Variants in EXOC6B observed in about 807,000 individuals in gnomAD.
The protein encoded by EXOC6B is SEC15 homolog B.
EXOC6B carries 54 observed loss-of-function variants against 113.5 expected under a neutral mutation model. The observed-to-expected ratio is 0.48, with a 90% CI of 0.38 to 0.60. The LOEUF (loss-of-function observed/expected upper bound fraction) is 0.60. Ranked by LOEUF, EXOC6B falls within the 20% of genes least tolerant of loss-of-function variation. The pLI, the probability that EXOC6B is intolerant of heterozygous loss-of-function variation, is 0.00. For missense variants in EXOC6B, 797 were observed against 977.5 expected, an observed-to-expected ratio of 0.82 and a Z score of 2.46; for synonymous variants, 357 against 339.0, an observed-to-expected ratio of 1.05 and a Z score of -0.58.
intron 8 of EXOC6B, among the ~76,000 whole-genome samples, chr2:72,532,751 T>C (rs1573337942): frequency 6.6e-6 from 1 of 151,894 alleles, no homozygotes; most frequent in Non-Finnish European, 1.5e-5. Flanking sequence ...GAGGTTGCAG[T>C]GAGCCGATAT....
At chr2:72,802,640 G>A (rs576914576) in intron 1 of EXOC6B, among the ~76,000 whole-genome samples, 3 of 151,840 alleles carry the variant, frequency 2.0e-5, no homozygotes, top group South Asian at 2.1e-4. Flanking sequence ...CTATATAGTC[G>A]TATTATTTCA....
intron 18 of EXOC6B, among the ~76,000 whole-genome samples, chr2:72,459,700 A>G (rs1255550792): frequency 2.6e-5 from 4 of 152,144 alleles, no homozygotes; most frequent in Non-Finnish European, 5.9e-5. Flanking sequence ...TCAAGGAAAT[A>G]AAAGAGGATA....
At chr2:72,313,172 GA>G (rs1403338258) in intron 20 of EXOC6B, among the ~76,000 whole-genome samples, 5 of 75,806 alleles carry the variant, frequency 6.6e-5, no homozygotes, top group Non-Finnish European at 6.9e-5. Context: ...GATACACAGA[GA>G]GGAACAACAC....
intron 1 of EXOC6B, among the ~76,000 whole-genome samples, chr2:72,765,273 C>T (rs1441862494): frequency 6.6e-6 from 1 of 152,050 alleles, no homozygotes; most frequent in East Asian, 1.9e-4. Context: ...GGCAACAGAG[C>T]AACACCCTCT....
chr2:72,527,270 A>G lies in EXOC6B; in HGVS notation c.916-12144T>C, dbSNP rs139745088. On this transcript the variant is annotated intron_variant, in intron 8 of 21. Coordinates refer to ENST00000272427, the MANE Select transcript of EXOC6B (RefSeq NM_015189.3). ...CTTTTTAAGTTATTTTAAAACATAC[A>G]GTTAAGTTTTTAGGAGTACGGAAAG... Among the ~76,000 whole-genome samples, 729 of 152,160 alleles carry G rather than the reference A, an allele frequency of 4.8e-3. 8 individuals carry two copies. Among genetic ancestry groups the G allele is most frequent in the African/African-American group, 0.016 (679 of 41,564 alleles).
intron 9 of EXOC6B, 32 bp from the exon 10 acceptor site, chr2:72,514,712 T>C (rs1268149049): frequency 9.5e-5 from 137 of 1,435,568 alleles, no homozygotes; most frequent in Non-Finnish European, 1.2e-4. Context: ...AAAGTTATTG[T>C]TTCTGTTTTG....
At chr2:72,327,189 C>T (rs1055972596) in intron 20 of EXOC6B, among the ~76,000 whole-genome samples, 2 of 152,032 alleles carry the variant, frequency 1.3e-5, no homozygotes. Flanking sequence ...CCAGAAGTTA[C>T]CTTTCTACCA....
intron 5 of EXOC6B, among the ~76,000 whole-genome samples, chr2:72,723,234 T>C (rs898245894): frequency 2.6e-5 from 4 of 152,170 alleles, no homozygotes; most frequent in African/African-American, 9.7e-5. Flanking sequence ...GTTTCACTTG[T>C]ATGTGTGGTC....
At chr2:72,724,394 G>T (rs1222779154) in intron 5 of EXOC6B, among the ~76,000 whole-genome samples, 1 of 152,046 alleles carries the variant, frequency 6.6e-6, no homozygotes, top group Non-Finnish European at 1.5e-5. Flanking sequence ...GAATAAAGGT[G>T]GGCCTTTAAG....
At position 72,545,673 on chromosome 2, in the gene EXOC6B, A is replaced by G. The variant is rs566474367; in HGVS notation, c.915+13780T>C. On this transcript the variant is annotated intron_variant, in intron 8 of 21. Coordinates refer to ENST00000272427, the MANE Select transcript of EXOC6B (RefSeq NM_015189.3). ...TTTATGAAGCACTATGAAATTGCACAGCAAAGTGTTATATAAAATCCAAGA... is the reference window on the plus strand; with the variant it reads ...TTTATGAAGCACTATGAAATTGCACGGCAAAGTGTTATATAAAATCCAAGA... Among the ~76,000 whole-genome samples, 16 of 152,354 alleles carry G rather than the reference A, an allele frequency of 1.1e-4. No homozygotes were observed. The East Asian group carries it at 2.7e-3, about 26-fold the overall frequency.
chr2:72,767,831 A>AAAAAAAAAAAAAAAAAAAAAAAC (rs1204403797), intron 1 of EXOC6B, among the ~76,000 whole-genome samples: 2 of 142,950 alleles, frequency 1.4e-5, no homozygotes, highest in Non-Finnish European at 3.1e-5. Context: ...AAAAAAAAAA[A>AAAAAAAAAAAAAAAAAAAAAAAC]AAGACCAAGT....
At chr2:72,384,745 C>T (rs1467811558) in intron 18 of EXOC6B, among the ~76,000 whole-genome samples, 2 of 151,550 alleles carry the variant, frequency 1.3e-5, no homozygotes, top group African/African-American at 4.8e-5. Context: ...AAAAAGAAAT[C>T]AAGCAAAAAA....
chr2:72,803,413 T>C (rs1009453457), intron 1 of EXOC6B, among the ~76,000 whole-genome samples: 7 of 151,982 alleles, frequency 4.6e-5, no homozygotes, highest in Non-Finnish European at 7.4e-5. Context: ...TTATTCAACA[T>C]ACAATGAAGC....
At chr2:72,404,411 T>A (rs914798256) in intron 18 of EXOC6B, among the ~76,000 whole-genome samples, 1 of 152,218 alleles carries the variant, frequency 6.6e-6, no homozygotes, top group South Asian at 2.1e-4. Flanking sequence ...AGACTGCCTC[T>A]TCAGGTGGGT....
intron 20 of EXOC6B, among the ~76,000 whole-genome samples, chr2:72,234,133 C>A (rs1681812205): frequency 6.9e-6 from 1 of 145,146 alleles, no homozygotes; most frequent in African/African-American, 2.6e-5. Context: ...GACGCCTAGG[C>A]TGGAGTGCAG....
At chr2:72,730,067 G>C (rs1225609674) in intron 5 of EXOC6B, among the ~76,000 whole-genome samples, 17 of 152,150 alleles carry the variant, frequency 1.1e-4, no homozygotes. Flanking sequence ...TCAGGGCAGA[G>C]AGGTTGGAGA....
intron 20 of EXOC6B, among the ~76,000 whole-genome samples, chr2:72,207,827 A>T (rs1679927893): frequency 1.3e-5 from 2 of 152,326 alleles, no homozygotes; most frequent in South Asian, 2.1e-4. Flanking sequence ...TCCTTGCCCT[A>T]TTCCTAAATC....
intron 11 of EXOC6B, among the ~76,000 whole-genome samples, chr2:72,503,455 CT>C (rs1700435799): frequency 6.6e-6 from 1 of 152,164 alleles, no homozygotes; most frequent in African/African-American, 2.4e-5. Flanking sequence ...AGTATGTAGC[CT>C]TTTCAGATTG....
intron 16 of EXOC6B, among the ~76,000 whole-genome samples, chr2:72,486,960 C>T (rs768278356): frequency 4.6e-5 from 7 of 151,870 alleles, no homozygotes; most frequent in African/African-American, 1.4e-4. Flanking sequence ...CCTGAAAGAG[C>T]TGTCTTATAT....
Sources: allele counts gnomAD v4.1 joint callset (sites outside exome capture counted in the v4.1 genomes callset), GRCh38; gene constraint gnomAD v4.1.1; transcripts MANE v1.5; gene names NCBI Gene and HGNC (gene_info 2026-07-23, HGNC 2026-07-21).